Variants in ABCA4 observed in about 807,000 individuals in gnomAD.
ABCA4 encodes retinal-specific phospholipid-transporting ATPase ABCA4.
Under a neutral mutation model 263.7 loss-of-function variants are expected in ABCA4, and 196 were observed. The ratio of observed to expected loss-of-function variants is 0.74; its 90% confidence interval spans 0.66 to 0.84. The LOEUF is 0.84. Ranked by LOEUF, ABCA4 falls within the 40% of genes least tolerant of loss-of-function variation. The probability of loss-of-function intolerance (pLI) is 0.00; values close to 1 mark genes in which losing one functional copy is unlikely to be tolerated. For missense variants in ABCA4, 2,792 were observed against 2,855.1 expected, an observed-to-expected ratio of 0.98 and a Z score of 0.50; for synonymous variants, 1,133 against 1,094.2, an observed-to-expected ratio of 1.04 and a Z score of -0.70.
At position 94,043,493 on chromosome 1, in the gene ABCA4, C is replaced by T. The variant is rs757046756; in HGVS notation, c.3051-18G>A. Reference sequence around the variant, plus strand: ...CCGTGAGGCTAGGAGGATGGGACAACGAGAAAAGCAGTGGCTTAGCACTTC... The same window carrying T: ...CCGTGAGGCTAGGAGGATGGGACAATGAGAAAAGCAGTGGCTTAGCACTTC... On this transcript the variant is annotated intron_variant, in intron 20 of 49. Coordinates refer to ENST00000370225, the MANE Select transcript of ABCA4 (RefSeq NM_000350.3). The T allele has an allele frequency of 2.9e-4, 476 of 1,613,832 alleles. No individual in the cohort carries two copies. Among genetic ancestry groups the T allele is most frequent in the Non-Finnish European group, 3.8e-4 (447 of 1,179,992 alleles).
intron 42 of ABCA4, among the ~76,000 whole-genome samples, 177 bp from the exon 43 acceptor site, chr1:94,007,917 A>G (rs1659437203): frequency 6.6e-6 from 1 of 152,216 alleles, no homozygotes; most frequent in Admixed American, 6.5e-5. Context: ...CCCAGTTGAC[A>G]CGGGCCCTGA....
At chr1:94,117,322 G>A (rs1299474245) in intron 1 of ABCA4, among the ~76,000 whole-genome samples, 7 of 152,138 alleles carry the variant, frequency 4.6e-5, no homozygotes, top group African/African-American at 1.7e-4. Flanking sequence ...ATGACCCGGA[G>A]CCTGGGTACA....
At chr1:94,042,098 C>CAAAAA (rs11334956) in intron 22 of ABCA4, among the ~76,000 whole-genome samples, 95 of 81,070 alleles carry the variant, frequency 1.2e-3, no homozygotes, top group South Asian at 1.8e-3. Flanking sequence ...GATTCTGTCT[C>CAAAAA]AAAAAAAAAA....
intron 5 of ABCA4, 35 bp from the exon 6 acceptor site, chr1:94,099,026 T>A: frequency 6.3e-7 from 1 of 1,584,880 alleles, no homozygotes; most frequent in Admixed American, 1.7e-5. Context: ...GAAACTGCCC[T>A]GTGGTAGGAA....
chr1:94,018,612 GT>G (rs1487127900), intron 36 of ABCA4: 3 of 455,824 alleles, frequency 6.6e-6, no homozygotes, highest in Non-Finnish European at 1.3e-5. Flanking sequence ...GGTCATTTGT[GT>G]TGGTCTCCAT....
In ABCA4 at chr1:94,029,606, G is replaced by C. The variant is rs373181448; in HGVS notation, c.4378C>G (p.Pro1460Ala). ...LPEYPCGNST[P>A]WKTPSVSPNI... The stretch of plus-strand genomic sequence containing the variant: ...GGGGACACAGAAGGAGTCTTCCAGG[G>C]TGTTGAGTTGCCACAGGGGTACTCC... The change falls in exon 30 of 50, where the codon CCC (proline) becomes GCC (alanine). Residue 1460 changes from proline (P) to alanine (A), a missense_variant. Transcript: ENST00000370225. 1 of 1,613,796 alleles carries C rather than the reference G, an allele frequency of 6.2e-7. No homozygotes were observed. Among genetic ancestry groups the C allele is most frequent in the Non-Finnish European group, 8.5e-7 (1 of 1,179,932 alleles).
chr1:94,099,754 T>G (rs530454744), intron 5 of ABCA4, among the ~76,000 whole-genome samples: 1 of 152,280 alleles, frequency 6.6e-6, no homozygotes, highest in Admixed American at 6.5e-5. Flanking sequence ...TTGAAAAAAT[T>G]ATTTGTTGTT....
intron 1 of ABCA4, among the ~76,000 whole-genome samples, chr1:94,118,037 C>T (rs1662850029): frequency 6.6e-6 from 1 of 151,952 alleles, no homozygotes; most frequent in South Asian, 2.1e-4. Context: ...GATCTCGATC[C>T]ACGGGGGTCA....
Position 94,103,065 on chromosome 1 carries a change from A to G in ABCA4, c.520T>C (p.Ser174Pro). The G allele has an allele frequency of 6.2e-7, 1 of 1,614,246 alleles. No homozygotes were observed. The highest frequency in any genetic ancestry group is 8.5e-7 in the Non-Finnish European group (1 of 1,180,034). The change falls in exon 5 of 50, where the codon TCT becomes CCT. Residue 174 changes from serine to proline, a missense_variant. Coordinates refer to ENST00000370225, the MANE Select transcript of ABCA4 (RefSeq NM_000350.3). ...TLFLIKNIGLSDSVVYLLINS... is the reference protein window; with the variant it reads ...TLFLIKNIGLPDSVVYLLINS... ...ATCAGAAGGTAGACCACTGAGTCAG[A>G]CAGGCCGATGTTTTTAATGAGAAAT... is the stretch of plus-strand genomic sequence containing the variant.
chr1:94,072,540 A>G (rs1467124934), intron 11 of ABCA4, among the ~76,000 whole-genome samples: 1 of 152,226 alleles, frequency 6.6e-6, no homozygotes, highest in Non-Finnish European at 1.5e-5. Flanking sequence ...GCTGAAGGGC[A>G]ATAAGAAGAA....
chr1:94,003,202 T>C (rs1489540215), intron 44 of ABCA4, among the ~76,000 whole-genome samples: 1 of 152,198 alleles, frequency 6.6e-6, no homozygotes, highest in Non-Finnish European at 1.5e-5. Context: ...TCCAATAATA[T>C]CCTTCTATCA....
chr1:94,075,659 C>A lies in ABCA4; in HGVS notation c.1554+2031G>T, dbSNP rs565566239. On this transcript the variant is annotated intron_variant, in intron 11 of 49. Transcript: ENST00000370225. Reference sequence around the variant, plus strand: ...CAAGTCTGAGACAAGAGGGCATGCTCCCGAGGGCCCTCGAGTTTATTCCCT... The same window carrying A: ...CAAGTCTGAGACAAGAGGGCATGCTACCGAGGGCCCTCGAGTTTATTCCCT... 4.1e-4 allele frequency among the ~76,000 whole-genome samples: 62 copies of A among 152,332 alleles called. 2 individuals are homozygous for A. The South Asian group carries it at 0.013, about 32-fold the overall frequency.
intron 16 of ABCA4, among the ~76,000 whole-genome samples, chr1:94,053,088 T>C (rs1320021846): frequency 6.6e-6 from 1 of 152,148 alleles, no homozygotes; most frequent in Non-Finnish European, 1.5e-5. Context: ...GCTGAACACT[T>C]TGAGGTGCTG....
intron 43 of ABCA4, among the ~76,000 whole-genome samples, chr1:94,006,531 C>T (rs1659392310): frequency 6.6e-6 from 1 of 152,196 alleles, no homozygotes; most frequent in African/African-American, 2.4e-5. Flanking sequence ...GATATCTCTA[C>T]CCTGCCATGA....
At chr1:94,000,782 G>C (rs993386857) in intron 47 of ABCA4, 54 bp downstream of exon 47, 1 of 1,563,956 alleles carries the variant, frequency 6.4e-7, no homozygotes, top group East Asian at 2.2e-5. Flanking sequence ...GAGAACACAG[G>C]ATCCAGGTGG....
chr1:94,003,514 A>T (rs1389912498), intron 44 of ABCA4, among the ~76,000 whole-genome samples: 1 of 152,152 alleles, frequency 6.6e-6, no homozygotes, highest in Non-Finnish European at 1.5e-5. Flanking sequence ...TCTGCCCCTT[A>T]TGGTTAATTT....
At chr1:94,110,023 C>T (rs1030781587) in intron 3 of ABCA4, among the ~76,000 whole-genome samples, 3 of 152,288 alleles carry the variant, frequency 2.0e-5, no homozygotes, top group Admixed American at 1.3e-4. Context: ...AAGCTCCATG[C>T]AGCCTCCACT....
intron 30 of ABCA4, among the ~76,000 whole-genome samples, chr1:94,028,531 A>G (rs993113320): frequency 6.6e-6 from 1 of 152,250 alleles, no homozygotes; most frequent in African/African-American, 2.4e-5. Flanking sequence ...ACACATTTCC[A>G]TTTGAATGTA....
chr1:94,001,215 A>G (rs1398553856), intron 45 of ABCA4, 110 bp from the exon 46 acceptor site: 3 of 830,734 alleles, frequency 3.6e-6, no homozygotes, highest in Non-Finnish European at 5.9e-6. Context: ...GAAGGCGCAC[A>G]CAGTCACTCC....
Sources: gnomAD v4.1 joint callset for allele counts (sites outside exome capture counted in the v4.1 genomes callset) on GRCh38, gnomAD v4.1.1 for gene constraint, MANE v1.5 for transcripts, NCBI Gene and HGNC (gene_info 2026-07-23, HGNC 2026-07-21) for gene names.